SPMAP2L: variants seen among roughly 807,000 people sequenced by gnomAD.
SPMAP2L encodes sperm microtubule associated protein 2 like.
At chr4:56,540,367 ACCCTG>A in the SPMAP2L span, among the ~76,000 whole-genome samples, 3 of 151,986 alleles carry the variant, frequency 2.0e-5, no homozygotes, top group African/African-American at 7.3e-5. Context: ...ACATGCCAAA[ACCCTG>A]CCTCTGCTAA....
At chr4:56,600,134 G>A in the SPMAP2L span, among the ~76,000 whole-genome samples, 11 of 60,374 alleles carry the variant, frequency 1.8e-4, no homozygotes, top group Non-Finnish European at 2.7e-4. Context: ...TTGTAGAGAT[G>A]AGGTTTTGCC....
At chr4:56,588,731 A>G in the SPMAP2L span, among the ~76,000 whole-genome samples, 1 of 151,972 alleles carries the variant, frequency 6.6e-6, no homozygotes, top group Non-Finnish European at 1.5e-5. Context: ...GTGTCCAGCC[A>G]TCTTCTAGAA....
the SPMAP2L span, among the ~76,000 whole-genome samples, chr4:56,597,102 G>A: frequency 3.3e-5 from 5 of 152,196 alleles, no homozygotes; most frequent in African/African-American, 1.2e-4. Flanking sequence ...CTTTGCCTAT[G>A]GTAGTCAGTG....
the SPMAP2L span, among the ~76,000 whole-genome samples, chr4:56,597,039 T>C: frequency 6.6e-6 from 1 of 152,326 alleles, no homozygotes; most frequent in South Asian, 2.1e-4. Context: ...TGCTAAATGC[T>C]ATCAGGAAAA....
chr4:56,561,798 C>G, the SPMAP2L span, among the ~76,000 whole-genome samples: 2 of 152,144 alleles, frequency 1.3e-5, no homozygotes, highest in Admixed American at 1.3e-4. Flanking sequence ...CATCTTGGCT[C>G]ACTGCAACCT....
chr4:56,607,151 A>G, the SPMAP2L span, among the ~76,000 whole-genome samples: 2 of 151,578 alleles, frequency 1.3e-5, no homozygotes, highest in African/African-American at 4.8e-5. Context: ...CCTCAATGCA[A>G]TAGTATTCAG....
chr4:56,580,650 T>TA, the SPMAP2L span, among the ~76,000 whole-genome samples: 4,574 of 148,540 alleles, frequency 0.031, 205 homozygotes, highest in African/African-American at 0.096. Context: ...AAATAAAAAA[T>TA]AAAAAAAAAT....
At chr4:56,542,038 TAAAC>T in the SPMAP2L span, among the ~76,000 whole-genome samples, 1 of 152,220 alleles carries the variant, frequency 6.6e-6, no homozygotes, top group Admixed American at 6.5e-5. Flanking sequence ...AATTAGGACT[TAAAC>T]AAGAGCCTCA....
chr4:56,622,057 T>C, the SPMAP2L span, among the ~76,000 whole-genome samples: 2 of 152,192 alleles, frequency 1.3e-5, no homozygotes, highest in Admixed American at 6.5e-5. Flanking sequence ...TAATGCAAGA[T>C]GTTAATAAGA....
chr4:56,559,055 T>C, the SPMAP2L span, among the ~76,000 whole-genome samples: 1 of 151,880 alleles, frequency 6.6e-6, no homozygotes, highest in East Asian at 2.0e-4. Flanking sequence ...TGCTTCAGCC[T>C]CCCAAGTAGC....
At chr4:56,601,139 G>A in the SPMAP2L span, 1 of 1,522,164 alleles carries the variant, frequency 6.6e-7, no homozygotes, top group African/African-American at 1.4e-5. Flanking sequence ...AAGTGGGACA[G>A]GAAAGGCTGG....
the SPMAP2L span, among the ~76,000 whole-genome samples, chr4:56,615,705 G>A: frequency 1.3e-4 from 20 of 152,076 alleles, no homozygotes; most frequent in East Asian, 7.7e-4. Flanking sequence ...GTGAGATTGC[G>A]CCACTGCACT....
the SPMAP2L span, among the ~76,000 whole-genome samples, chr4:56,533,419 A>G: frequency 6.6e-6 from 1 of 152,304 alleles, no homozygotes; most frequent in Admixed American, 6.5e-5. Context: ...AAAGATCTAC[A>G]TATCTTTCCA....
the SPMAP2L span, chr4:56,596,466 T>C: frequency 6.1e-6 from 9 of 1,476,020 alleles, 1 homozygote; most frequent in South Asian, 2.8e-5. Flanking sequence ...TATTACTTGA[T>C]GCTTATAAGT....
At chr4:56,570,334 C>T in the SPMAP2L span, among the ~76,000 whole-genome samples, 9 of 152,246 alleles carry the variant, frequency 5.9e-5, no homozygotes, top group East Asian at 9.6e-4. Flanking sequence ...GAAATGCATC[C>T]GTAGGTGATT....
the SPMAP2L span, chr4:56,593,607 C>T: frequency 6.2e-7 from 1 of 1,605,028 alleles, no homozygotes; most frequent in Non-Finnish European, 8.5e-7. Flanking sequence ...TTGGGCAGCT[C>T]CCAGAGATTT....
At chr4:56,559,067 G>A in the SPMAP2L span, among the ~76,000 whole-genome samples, 2 of 151,954 alleles carry the variant, frequency 1.3e-5, no homozygotes, top group Admixed American at 1.3e-4. Flanking sequence ...CCAAGTAGCT[G>A]GGATTATAGG....
At chr4:56,609,137 C>A in the SPMAP2L span, among the ~76,000 whole-genome samples, 1 of 150,898 alleles carries the variant, frequency 6.6e-6, no homozygotes, top group East Asian at 2.0e-4. Flanking sequence ...GCAACCTCTG[C>A]CTCCCGGGTT....
chr4:56,594,981 C>G, the SPMAP2L span: 1 of 1,607,016 alleles, frequency 6.2e-7, no homozygotes, highest in African/African-American at 1.3e-5. Context: ...GTAAGAAATA[C>G]CTTGCCCCGT....
Sources: allele counts gnomAD v4.1 joint callset (sites outside exome capture counted in the v4.1 genomes callset), GRCh38; gene constraint gnomAD v4.1.1; transcripts MANE v1.5; gene names NCBI Gene and HGNC (gene_info 2026-07-23, HGNC 2026-07-21).